Variants in NRG2 observed in about 807,000 individuals in gnomAD.
The protein encoded by NRG2 is neuregulin 2, also known as pro-neuregulin-2, membrane-bound isoform.
Under a neutral mutation model 73.9 loss-of-function variants are expected in NRG2, and 27 were observed. The observed-to-expected ratio is 0.37, with a 90% confidence interval of 0.27 to 0.50. The LOEUF is 0.50. Ranked by LOEUF, NRG2 falls within the 20% of genes least tolerant of loss-of-function variation. The pLI is 0.96. For synonymous variants in NRG2, 532 were observed against 541.0 expected, an observed-to-expected ratio of 0.98 and a Z score of 0.23; for missense variants, 1,126 against 1,210.1, an observed-to-expected ratio of 0.93 and a Z score of 1.03.
intron 1 of NRG2, among the ~76,000 whole-genome samples, chr5:139,897,814 C>T (rs1764639812): frequency 6.6e-6 from 1 of 152,160 alleles, no homozygotes; most frequent in African/African-American, 2.4e-5. Flanking sequence ...GGCATCTGCC[C>T]TAGAATGGCA....
intron 1 of NRG2, among the ~76,000 whole-genome samples, chr5:139,932,484 A>T (rs1168727134): frequency 6.6e-6 from 1 of 152,094 alleles, no homozygotes; most frequent in African/African-American, 2.4e-5. Context: ...GTGGCAAGGT[A>T]GGAAATTGGG....
intron 1 of NRG2, among the ~76,000 whole-genome samples, chr5:139,955,117 C>G (rs1754518341): frequency 6.6e-6 from 1 of 152,202 alleles, no homozygotes; most frequent in African/African-American, 2.4e-5. Flanking sequence ...ATCCCCGGCC[C>G]TTGAAGAGCT....
Position 139,848,068 on chromosome 5 carries a change from G to A in NRG2, c.2402C>T (p.Ala801Val). 1 of 1,499,118 alleles carries A rather than the reference G, an allele frequency of 6.7e-7. No individual in the cohort carries two copies. The highest frequency in any genetic ancestry group is 8.8e-7 in the Non-Finnish European group (1 of 1,131,048). The allele number at this position is 1,499,118 out of a possible 1,614,324, so 92.9% of individuals were successfully genotyped here. ...ESTPFLGLRG[A>V]HDALRSDSPP... ...CGAGTCCGAGCGCAGCGCGTCGTGC[G>A]CCCCACGCAGGCCCAGGAAAGGTGT... Residue 801 changes from alanine to valine, a missense_variant, in exon 10 of 10, where the codon GCG (alanine) becomes GTG (valine). Physicochemically the swap from Ala to Val is moderately conservative, Grantham distance 64. Coordinates refer to ENST00000361474, the MANE Select transcript of NRG2 (RefSeq NM_004883.3).
chr5:140,017,574 A>C lies in NRG2; in HGVS notation c.700+24796T>G, dbSNP rs1489112397. ...AAAGTCAGGATTAGCCAACAGTGTC[A>C]AAATGCTGACAGGTGAAATAATATG... On this transcript the variant is annotated intron_variant, in intron 1 of 9. Coordinates refer to ENST00000361474, the MANE Select transcript of NRG2 (RefSeq NM_004883.3). 2.0e-5 allele frequency among the ~76,000 whole-genome samples: 3 copies of C among 152,232 alleles called. No homozygotes were observed. The East Asian group carries it at 5.8e-4, about 29-fold the overall frequency.
chr5:139,893,052 C>CTT (rs1764320656), intron 1 of NRG2, among the ~76,000 whole-genome samples: 1 of 152,082 alleles, frequency 6.6e-6, no homozygotes, highest in African/African-American at 2.4e-5. Context: ...AAAAATTACA[C>CTT]AAGTAAGGAA....
At chr5:139,886,279 T>G (rs1763866226) in intron 2 of NRG2, among the ~76,000 whole-genome samples, 1 of 152,114 alleles carries the variant, frequency 6.6e-6, no homozygotes, top group African/African-American at 2.4e-5. Flanking sequence ...TTTAACCTCT[T>G]TTACAGGTTC....
intron 1 of NRG2, among the ~76,000 whole-genome samples, chr5:140,039,834 T>C (rs958114878): frequency 6.6e-6 from 1 of 152,178 alleles, no homozygotes; most frequent in African/African-American, 2.4e-5. Flanking sequence ...ATGACGACAG[T>C]TTCCAAGTGC....
Position 139,904,240 on chromosome 5 carries a change from G to C in NRG2, c.701-16729C>G. The C allele has an allele frequency of 6.6e-7, 1 of 1,520,290 alleles. No individual in the cohort carries two copies. The highest frequency in any genetic ancestry group is 1.2e-5 in the South Asian group (1 of 80,718). The allele number at this position is 1,520,290 out of a possible 1,614,324, so 94.2% of individuals were successfully genotyped here. A position where few individuals can be genotyped will look rare whatever the true frequency, so the allele number is the denominator to read the frequency against. ...CTAGACTCACCCGCGCTGCGCTGGG[G>C]GCGGGTGAGCGGGCGGCAGGTTTCT... On this transcript the variant is annotated intron_variant, in intron 1 of 9. Transcript: ENST00000361474. The surrounding 1 kb of genome is among the most constrained non-coding windows in gnomAD (Gnocchi z 6.0).
chr5:139,891,993 G>C (rs1015349084), intron 1 of NRG2, among the ~76,000 whole-genome samples: 2 of 152,168 alleles, frequency 1.3e-5, no homozygotes, highest in South Asian at 2.1e-4. Flanking sequence ...GCTCTTAACG[G>C]TTCCTCGGAA....
chr5:140,027,842 A>G (rs1760823288), intron 1 of NRG2, among the ~76,000 whole-genome samples: 1 of 152,196 alleles, frequency 6.6e-6, no homozygotes, highest in Non-Finnish European at 1.5e-5. Flanking sequence ...AGTAGGAAGC[A>G]GGCTGAGAAA....
At chr5:140,005,422 C>T (rs892213518) in intron 1 of NRG2, among the ~76,000 whole-genome samples, 4 of 152,196 alleles carry the variant, frequency 2.6e-5, no homozygotes, top group African/African-American at 9.6e-5. Context: ...GCACTATGAA[C>T]ATAGACTGGT....
intron 1 of NRG2, among the ~76,000 whole-genome samples, chr5:139,988,299 G>A (rs867415676): frequency 6.6e-6 from 1 of 151,980 alleles, no homozygotes; most frequent in South Asian, 2.1e-4. Context: ...GAGCTCTCTG[G>A]TATTTACCCA....
In NRG2 at chr5:139,912,568, C is replaced by A. The variant is rs559799078; in HGVS notation, c.701-25057G>T. 7.9e-5 allele frequency among the ~76,000 whole-genome samples: 12 copies of A among 152,278 alleles called. No individual in the cohort carries two copies. The East Asian group carries it at 2.3e-3, about 29-fold the overall frequency. Reference sequence around the variant, plus strand: ...GGCCCTGCCCTCCTTCCCACTGCCCCAAATCATCCATTCTTTCTCCTCAGA... The same window carrying A: ...GGCCCTGCCCTCCTTCCCACTGCCCAAAATCATCCATTCTTTCTCCTCAGA... On this transcript the variant is annotated intron_variant, in intron 1 of 9. Coordinates refer to ENST00000361474, the MANE Select transcript of NRG2 (RefSeq NM_004883.3).
In NRG2 at chr5:139,931,602, AG is replaced by A. The variant is rs1752473571; in HGVS notation, c.701-44092del. ...TCCAGATATTGGATTTAGAAGATAA[AG>A]AATTCAAAGGATTTATTATAAATAT... On this transcript the variant is annotated intron_variant, in intron 1 of 9. Coordinates refer to ENST00000361474, the MANE Select transcript of NRG2 (RefSeq NM_004883.3). 2.6e-5 allele frequency among the ~76,000 whole-genome samples: 4 copies of A among 152,254 alleles called. No individual in the cohort carries two copies. The South Asian group carries it at 8.3e-4, about 32-fold the overall frequency.
intron 1 of NRG2, among the ~76,000 whole-genome samples, chr5:139,986,003 G>T (rs1757147533): frequency 6.6e-6 from 1 of 152,194 alleles, no homozygotes; most frequent in Admixed American, 6.5e-5. Context: ...ACTGGGAAGA[G>T]CTGCTTCTCA....
intron 1 of NRG2, among the ~76,000 whole-genome samples, chr5:140,025,157 CATAG>C (rs1760587074): frequency 6.6e-6 from 1 of 152,204 alleles, no homozygotes; most frequent in Admixed American, 6.5e-5. Flanking sequence ...ACTAAACACA[CATAG>C]CCCAACACTC....
chr5:139,916,650 G>T (rs1751276861), intron 1 of NRG2, among the ~76,000 whole-genome samples: 1 of 152,096 alleles, frequency 6.6e-6, no homozygotes. Context: ...CATACAATCT[G>T]TGGCCTTTCT....
rs371818503 is a variant in NRG2, at chr5:139,973,269, T to C, written c.700+69101A>G. Among the ~76,000 whole-genome samples the C allele has an allele frequency of 3.0e-4, 45 of 152,278 alleles. No individual in the cohort carries two copies. The South Asian group carries it at 9.3e-3, about 32-fold the overall frequency. Reference sequence around the variant, plus strand: ...TAATTGATAAAATAAATTATGGTTGTATTTATATAATGAAATACCATGTGA... The same window carrying C: ...TAATTGATAAAATAAATTATGGTTGCATTTATATAATGAAATACCATGTGA... On this transcript the variant is annotated intron_variant, in intron 1 of 9. Transcript: ENST00000361474.
intron 1 of NRG2, among the ~76,000 whole-genome samples, chr5:140,024,795 A>G (rs1028393572): frequency 2.6e-5 from 4 of 152,330 alleles, no homozygotes; most frequent in African/African-American, 9.6e-5. Flanking sequence ...GGGGAAGTCC[A>G]GCTTCAAGAA....
Sources: gnomAD v4.1 joint callset for allele counts (sites outside exome capture counted in the v4.1 genomes callset) on GRCh38, gnomAD v4.1.1 for gene constraint, Gnocchi (gnomAD v3.1) non-coding constraint, MANE v1.5 for transcripts, NCBI Gene and HGNC (gene_info 2026-07-23, HGNC 2026-07-21) for gene names.